The following KATNBL1 variants were observed in gnomAD, a reference collection of about 807,000 sequenced individuals.
KATNBL1 encodes the protein katanin regulatory subunit B1 like 1.
In KATNBL1, 28 loss-of-function variants were observed where a neutral mutation model predicts 44.7. The ratio of observed to expected loss-of-function variants is 0.63; its 90% CI spans 0.46 to 0.86. The LOEUF (loss-of-function observed/expected upper bound fraction) is 0.86, where lower values mean the gene tolerates loss of function less well. KATNBL1 is among the 40% of genes least tolerant of loss of function. KATNBL1 has a pLI of 0.00. For missense variants in KATNBL1, 272 were observed against 350.7 expected (o/e 0.78, Z 1.79); for synonymous variants, 78 against 114.9 (o/e 0.68, Z 2.06).
chr15:34,172,437 A>C (rs976678276), intron 1 of KATNBL1, among the ~76,000 whole-genome samples: 5 of 151,716 alleles, frequency 3.3e-5, no homozygotes, highest in African/African-American at 7.3e-5. Context: ...CTGTATTTTT[A>C]GTAGAGATGG....
Position 34,163,625 on chromosome 15 carries a change from CA to C in KATNBL1, c.51del (p.Ile17MetfsTer21). The C allele has an allele frequency of 1.2e-6, 2 of 1,600,452 alleles. No homozygotes were observed. The highest frequency in any genetic ancestry group is 1.7e-6 in the Non-Finnish European group (2 of 1,175,496). On this transcript the variant is annotated frameshift_variant, in exon 2 of 10. Coordinates refer to ENST00000256544, the MANE Select transcript of KATNBL1 (RefSeq NM_024713.3). LOFTEE classifies it high-confidence loss of function. The stretch of plus-strand genomic sequence containing the variant: ...CTAGGAAGATCAATGAAATGATCCT[CA>C]ATCTTATTACAAAAGTTCCGTTTTT... ...NVKKRNFCNK[I>X]EDHFIDLPRK...
At chr15:34,183,773 A>G (rs115002970) in intron 1 of KATNBL1, among the ~76,000 whole-genome samples, 2,888 of 152,344 alleles carry the variant, frequency 0.019, 85 homozygotes, top group African/African-American at 0.066. Flanking sequence ...TAACATTAGA[A>G]TGCCATGCAG....
chr15:34,183,143 A>G (rs935006447), intron 1 of KATNBL1, among the ~76,000 whole-genome samples: 4 of 151,066 alleles, frequency 2.6e-5, no homozygotes, highest in African/African-American at 9.7e-5. Flanking sequence ...TCCTCAAAGT[A>G]TCTGGAATTT....
At chr15:34,159,791 C>T (rs1252400145) in intron 2 of KATNBL1, among the ~76,000 whole-genome samples, 1 of 152,132 alleles carries the variant, frequency 6.6e-6, no homozygotes, top group East Asian at 1.9e-4. Context: ...GTCCCTGCAT[C>T]CGGAATTAAT....
chr15:34,177,397 C>A lies in KATNBL1; in HGVS notation c.-14-13707G>T, dbSNP rs540867134. 1.3e-3 allele frequency among the ~76,000 whole-genome samples: 192 copies of A among 152,230 alleles called. 1 individual carries two copies. Among genetic ancestry groups the A allele is most frequent in the Admixed American group, 2.0e-3 (31 of 15,280 alleles). Reference sequence around the variant, plus strand: ...CGGTGGCTCACACATGTAATCCCAGCACTTTGGGCGGCCGAGGTGGGTGGA... The same window carrying A: ...CGGTGGCTCACACATGTAATCCCAGAACTTTGGGCGGCCGAGGTGGGTGGA... On this transcript the variant is annotated intron_variant, in intron 1 of 9. Coordinates refer to ENST00000256544, the MANE Select transcript of KATNBL1 (RefSeq NM_024713.3).
Position 34,188,636 on chromosome 15 carries a change from C to G in KATNBL1, c.-15+21315G>C, listed in dbSNP as rs183024367. ...GCAGTGTTTCAAACAAAAAGCCGTA[C>G]AAAATTATTTCAGTTCTCCATTAGT... On this transcript the variant is annotated intron_variant, in intron 1 of 9. Coordinates refer to ENST00000256544, the MANE Select transcript of KATNBL1 (RefSeq NM_024713.3). Among the ~76,000 whole-genome samples the G allele has an allele frequency of 2.6e-5, 4 of 152,274 alleles. No homozygotes were observed. In the East Asian group the frequency reaches 7.7e-4, roughly 29 times the overall value.
intron 1 of KATNBL1, among the ~76,000 whole-genome samples, chr15:34,207,471 GT>G (rs1195589689): frequency 2.0e-5 from 3 of 152,160 alleles, no homozygotes; most frequent in African/African-American, 7.2e-5. Context: ...GCCTCCCAAA[GT>G]GCTAGGATTA....
intron 1 of KATNBL1, among the ~76,000 whole-genome samples, chr15:34,198,597 CTAAT>C (rs762632649): frequency 9.2e-5 from 14 of 152,170 alleles, no homozygotes; most frequent in Non-Finnish European, 2.1e-4. Flanking sequence ...ATTTCCATAA[CTAAT>C]ACAAAAGTGT....
intron 1 of KATNBL1, among the ~76,000 whole-genome samples, chr15:34,176,378 C>G (rs575483481): frequency 7.3e-6 from 1 of 137,796 alleles, no homozygotes; most frequent in East Asian, 2.1e-4. Flanking sequence ...AACTTCATCT[C>G]AAAAAAAAAA....
chr15:34,193,240 A>AAAAAAC (rs1889938232), intron 1 of KATNBL1, among the ~76,000 whole-genome samples: 1 of 145,116 alleles, frequency 6.9e-6, no homozygotes, highest in African/African-American at 2.6e-5. Context: ...AAAAAACAAA[A>AAAAAAC]AAAAAACTTA....
chr15:34,172,261 T>TTTTTTTC (rs1889185164), intron 1 of KATNBL1, among the ~76,000 whole-genome samples: 1 of 134,054 alleles, frequency 7.5e-6, no homozygotes, highest in Non-Finnish European at 1.6e-5. Flanking sequence ...ATATTCTTTT[T>TTTTTTTC]TTTTTTTTTT....
At chr15:34,185,088 C>T (rs1567533701) in intron 1 of KATNBL1, among the ~76,000 whole-genome samples, 1 of 151,666 alleles carries the variant, frequency 6.6e-6, no homozygotes, top group South Asian at 2.1e-4. Context: ...TGCCACCTCA[C>T]CCTCCCAAGT....
At chr15:34,206,904 T>C (rs1034194651) in intron 1 of KATNBL1, among the ~76,000 whole-genome samples, 1 of 152,192 alleles carries the variant, frequency 6.6e-6, no homozygotes, top group East Asian at 1.9e-4. Flanking sequence ...TAAAAAACAT[T>C]ATATTCCTAA....
At position 34,210,080 on chromosome 15, in the gene KATNBL1, G is replaced by T. The variant is rs1461232460; in HGVS notation, c.-144C>A. ...GCCATTCAAACGCGGCCGCGCGCGC[G>T]GCCCGCCGGGATAGCTGGCGCTGTG... On this transcript the variant is annotated 5_prime_UTR_variant, in exon 1 of 10. Transcript: ENST00000256544. The T allele has an allele frequency of 2.0e-5, 3 of 150,892 alleles. No homozygotes were observed. Among genetic ancestry groups the T allele is most frequent in the Non-Finnish European group, 3.0e-5 (2 of 67,692 alleles). The allele number at this position is 150,892 out of a possible 1,614,324, so 9.3% of individuals were successfully genotyped here. A position where few individuals can be genotyped will look rare whatever the true frequency, so the allele number is the denominator to read the frequency against.
intron 1 of KATNBL1, among the ~76,000 whole-genome samples, chr15:34,190,905 C>T (rs1282588825): frequency 2.0e-5 from 3 of 151,968 alleles, no homozygotes; most frequent in Non-Finnish European, 4.4e-5. Flanking sequence ...TTAGAAAAAT[C>T]CAGAAAACTT....
At chr15:34,198,685 T>G (rs1050281660) in intron 1 of KATNBL1, among the ~76,000 whole-genome samples, 2 of 152,226 alleles carry the variant, frequency 1.3e-5, no homozygotes, top group Non-Finnish European at 2.9e-5. Flanking sequence ...AAAAAACCCA[T>G]AGTTTAATGT....
intron 1 of KATNBL1, among the ~76,000 whole-genome samples, chr15:34,176,100 C>T (rs778831033): frequency 1.3e-5 from 2 of 151,960 alleles, no homozygotes; most frequent in Admixed American, 1.3e-4. Flanking sequence ...AGTGGCCAGG[C>T]GTGGTGGCTC....
At chr15:34,142,971 A>C (rs1328093090) in intron 9 of KATNBL1, 2 of 824,462 alleles carry the variant, frequency 2.4e-6, no homozygotes, top group Non-Finnish European at 3.5e-6. Context: ...TGGCCTCCCA[A>C]AGTACTGGGA....
chr15:34,162,575 C>T (rs1888840064), intron 2 of KATNBL1, among the ~76,000 whole-genome samples: 1 of 152,176 alleles, frequency 6.6e-6, no homozygotes, highest in African/African-American at 2.4e-5. Flanking sequence ...TTACAGGATG[C>T]TTAACAAGTG....
Sources: allele counts gnomAD v4.1 joint callset (sites outside exome capture counted in the v4.1 genomes callset), GRCh38; gene constraint gnomAD v4.1.1; transcripts MANE v1.5; gene names NCBI Gene and HGNC (gene_info 2026-07-23, HGNC 2026-07-21).